Variants in PRKG1 observed in about 807,000 individuals in gnomAD.
The protein encoded by PRKG1 is cGMP-dependent protein kinase 1.
In PRKG1, 35 loss-of-function variants were observed where a neutral mutation model predicts 88.1. The ratio of observed to expected loss-of-function variants is 0.40; its 90% CI spans 0.30 to 0.53. PRKG1 has a LOEUF of 0.53. Among genes scored for constraint, PRKG1 ranks in the 20% least tolerant of loss-of-function variants. The probability of loss-of-function intolerance (pLI) is 0.59; values close to 1 mark genes in which losing one functional copy is unlikely to be tolerated. For synonymous variants in PRKG1, 303 were observed against 292.5 expected, an observed-to-expected ratio of 1.04 and a Z score of -0.37; for missense variants, 540 against 839.8, an observed-to-expected ratio of 0.64 and a Z score of 4.41.
At chr10:52,032,003 C>T (rs911624198) in intron 5 of PRKG1, among the ~76,000 whole-genome samples, 3 of 151,960 alleles carry the variant, frequency 2.0e-5, no homozygotes, top group South Asian at 4.2e-4. Flanking sequence ...GGTATTTAAA[C>T]AGTCATGGTC....
intron 2 of PRKG1, among the ~76,000 whole-genome samples, chr10:51,352,096 G>T (rs890290088): frequency 3.3e-5 from 5 of 151,726 alleles, no homozygotes; most frequent in African/African-American, 1.2e-4. Context: ...CTGTTCCATT[G>T]GTCTGTAGAT....
intron 9 of PRKG1, among the ~76,000 whole-genome samples, chr10:52,173,014 G>GCAT (rs1564501714): frequency 6.6e-6 from 1 of 152,122 alleles, no homozygotes; most frequent in Non-Finnish European, 1.5e-5. Context: ...CATTAACAAG[G>GCAT]CATTCTTTTG....
intron 1 of PRKG1, among the ~76,000 whole-genome samples, chr10:51,048,088 T>C (rs1294405742): frequency 6.6e-6 from 1 of 152,220 alleles, no homozygotes; most frequent in Non-Finnish European, 1.5e-5. Flanking sequence ...TCAGAGTTCA[T>C]GCAGCCCTGC....
intron 3 of PRKG1, among the ~76,000 whole-genome samples, chr10:51,674,329 C>G (rs564334896): frequency 3.0e-4 from 45 of 152,164 alleles, no homozygotes; most frequent in African/African-American, 1.1e-3. Flanking sequence ...CCTCCCCTAG[C>G]CCCCAATCCC....
At chr10:51,800,883 A>C (rs570703928) in intron 3 of PRKG1, among the ~76,000 whole-genome samples, 69 of 152,144 alleles carry the variant, frequency 4.5e-4, no homozygotes, top group Non-Finnish European at 1.0e-4. Flanking sequence ...ATCCCAAGGC[A>C]ACCACCCTCT....
chr10:52,284,515 A>G (rs1249439073), intron 14 of PRKG1, among the ~76,000 whole-genome samples: 1 of 151,898 alleles, frequency 6.6e-6, no homozygotes, highest in Non-Finnish European at 1.5e-5. Flanking sequence ...GGGAGAAGGC[A>G]AGAATAAAAC....
intron 1 of PRKG1, among the ~76,000 whole-genome samples, chr10:51,097,773 T>G (rs919491072): frequency 5.3e-5 from 8 of 152,152 alleles, no homozygotes; most frequent in Admixed American, 5.2e-4. Context: ...AATTTTACAC[T>G]CAACCTTCTG....
intron 3 of PRKG1, among the ~76,000 whole-genome samples, chr10:51,759,610 AGGACAAG>A (rs1837966609): frequency 6.6e-6 from 1 of 152,158 alleles, no homozygotes; most frequent in Non-Finnish European, 1.5e-5. Flanking sequence ...ATGTTAAGTT[AGGACAAG>A]GTAAGTTTCT....
At chr10:51,229,934 A>AAAAAAAAAAAAAAAGAAAAAAAAAAAAG in intron 2 of PRKG1, among the ~76,000 whole-genome samples, 2 of 141,102 alleles carry the variant, frequency 1.4e-5, no homozygotes, top group African/African-American at 5.3e-5. Context: ...CTCAAAAAAA[A>AAAAAAAAAAAAAAAGAAAAAAAAAAAAG]AAAAAAAAAA....
chr10:52,251,252 C>T (rs1841162196), intron 9 of PRKG1, among the ~76,000 whole-genome samples: 1 of 152,056 alleles, frequency 6.6e-6, no homozygotes, highest in South Asian at 2.1e-4. Context: ...TCAAACAATC[C>T]GTGTTCACAA....
chr10:51,392,838 G>A (rs1837453753), intron 2 of PRKG1, among the ~76,000 whole-genome samples: 1 of 149,202 alleles, frequency 6.7e-6, no homozygotes, highest in African/African-American at 2.5e-5. Context: ...TCCCAGACAG[G>A]GCGGCTGGCC....
At chr10:51,652,428 CAA>C (rs1218045532) in intron 3 of PRKG1, among the ~76,000 whole-genome samples, 3 of 151,570 alleles carry the variant, frequency 2.0e-5, no homozygotes, top group Non-Finnish European at 4.4e-5. Flanking sequence ...GCTGGCTAAA[CAA>C]GTTTAGCATC....
At chr10:51,297,455 T>C (rs1840749780) in intron 2 of PRKG1, among the ~76,000 whole-genome samples, 1 of 152,152 alleles carries the variant, frequency 6.6e-6, no homozygotes, top group African/African-American at 2.4e-5. Flanking sequence ...ACGTGAATTC[T>C]TGGATTTTCA....
At chr10:51,569,379 A>G (rs1837689407) in intron 3 of PRKG1, among the ~76,000 whole-genome samples, 1 of 152,064 alleles carries the variant, frequency 6.6e-6, no homozygotes, top group African/African-American at 2.4e-5. Context: ...CATAGGAGAA[A>G]GGATGCTGAA....
intron 1 of PRKG1, among the ~76,000 whole-genome samples, chr10:51,043,857 C>T (rs1325436911): frequency 6.6e-6 from 1 of 152,114 alleles, no homozygotes; most frequent in Non-Finnish European, 1.5e-5. Flanking sequence ...ATCTAGAGTT[C>T]TAGATTGCTG....
At chr10:51,804,095 G>A (rs1287727277) in intron 3 of PRKG1, among the ~76,000 whole-genome samples, 1 of 152,082 alleles carries the variant, frequency 6.6e-6, no homozygotes, top group African/African-American at 2.4e-5. Flanking sequence ...AAATCATTGT[G>A]TAACTATTAT....
At chr10:51,679,453 A>T (rs1238862229) in intron 3 of PRKG1, among the ~76,000 whole-genome samples, 4 of 152,010 alleles carry the variant, frequency 2.6e-5, no homozygotes, top group Non-Finnish European at 4.4e-5. Flanking sequence ...TTCCACCTAG[A>T]TTCTTGTGAT....
chr10:51,466,596 CT>C (rs1839914413), intron 2 of PRKG1, among the ~76,000 whole-genome samples: 1 of 151,946 alleles, frequency 6.6e-6, no homozygotes, highest in Non-Finnish European at 1.5e-5. Flanking sequence ...AAGATTTTAT[CT>C]CCATAGTATT....
intron 4 of PRKG1, among the ~76,000 whole-genome samples, chr10:51,876,526 C>T (rs1841304917): frequency 6.6e-6 from 1 of 152,142 alleles, no homozygotes; most frequent in Non-Finnish European, 1.5e-5. Context: ...TGTTTGTTTG[C>T]TTGCTTTTTA....
Sources: gnomAD v4.1 joint callset for allele counts (sites outside exome capture counted in the v4.1 genomes callset) on GRCh38, gnomAD v4.1.1 for gene constraint, MANE v1.5 for transcripts, NCBI Gene and HGNC (gene_info 2026-07-23, HGNC 2026-07-21) for gene names.